Variants in CNTN3 observed in about 807,000 individuals in gnomAD.
CNTN3 encodes contactin 3.
In CNTN3, 60 loss-of-function variants were observed where a neutral mutation model predicts 119.1. The ratio of observed to expected loss-of-function variants is 0.50; its 90% confidence interval spans 0.41 to 0.62. The LOEUF (loss-of-function observed/expected upper bound fraction) is 0.62, where lower values mean the gene tolerates loss of function less well. Ranked by LOEUF, CNTN3 falls within the 20% of genes least tolerant of loss-of-function variation. The probability of loss-of-function intolerance (pLI) is 0.00; values close to 1 mark genes in which losing one functional copy is unlikely to be tolerated. For synonymous variants in CNTN3, 450 were observed against 438.7 expected, an observed-to-expected ratio of 1.03 and a Z score of -0.32; for missense variants, 1,101 against 1,242.4, an observed-to-expected ratio of 0.89 and a Z score of 1.71.
At chr3:74,286,721 T>G (rs1269950610) in intron 19 of CNTN3, among the ~76,000 whole-genome samples, 11 of 152,146 alleles carry the variant, frequency 7.2e-5, no homozygotes, top group African/African-American at 2.7e-4. Flanking sequence ...ACTCTGAGTT[T>G]AGAGTAGGAA....
At chr3:74,608,457 C>T (rs116314079) in intron 1 of CNTN3, among the ~76,000 whole-genome samples, 4,147 of 152,258 alleles carry the variant, frequency 0.027, 78 homozygotes, top group Middle Eastern at 0.1. Flanking sequence ...ATTTTGAGAA[C>T]TTCCCATTAC....
intron 1 of CNTN3, among the ~76,000 whole-genome samples, chr3:74,601,036 A>T (rs1247513632): frequency 6.6e-6 from 1 of 150,386 alleles, no homozygotes; most frequent in Admixed American, 6.6e-5. Flanking sequence ...AAACATATGT[A>T]TATCATATAT....
intron 4 of CNTN3, among the ~76,000 whole-genome samples, chr3:74,454,468 T>A (rs1473062035): frequency 6.6e-6 from 1 of 152,056 alleles, no homozygotes; most frequent in East Asian, 1.9e-4. Context: ...TTTATCCAAT[T>A]TGCCAGTCTG....
intron 11 of CNTN3, among the ~76,000 whole-genome samples, chr3:74,357,884 G>A (rs1411421812): frequency 1.3e-5 from 2 of 151,996 alleles, no homozygotes; most frequent in Admixed American, 1.3e-4. Flanking sequence ...CTTCAAATAA[G>A]ATTGAATCTG....
chr3:74,295,063 C>A, intron 19 of CNTN3, 58 bp downstream of exon 19: 1 of 1,198,930 alleles, frequency 8.3e-7, no homozygotes, highest in South Asian at 1.4e-5. Context: ...GTTTTAAATT[C>A]AAGGAGACAA....
chr3:74,407,617 T>C (rs1701357084), intron 5 of CNTN3, among the ~76,000 whole-genome samples: 1 of 151,890 alleles, frequency 6.6e-6, no homozygotes, highest in Non-Finnish European at 1.5e-5. Context: ...GCAAAAGACC[T>C]CGAAACTTGC....
chr3:74,323,521 A>G (rs1361113733), intron 13 of CNTN3, among the ~76,000 whole-genome samples: 8 of 152,174 alleles, frequency 5.3e-5, no homozygotes, highest in Non-Finnish European at 4.4e-5. Context: ...AAAACTAACT[A>G]TTGCAATGAA....
chr3:74,470,490 A>G (rs575977928), intron 4 of CNTN3, among the ~76,000 whole-genome samples: 2 of 152,154 alleles, frequency 1.3e-5, no homozygotes, highest in East Asian at 3.9e-4. Context: ...TGGGAAAGAG[A>G]TAGAAAGTCA....
intron 4 of CNTN3, among the ~76,000 whole-genome samples, chr3:74,450,566 G>T (rs149524866): frequency 6.6e-6 from 1 of 150,668 alleles, no homozygotes; most frequent in African/African-American, 2.4e-5. Context: ...CAATGTGCAG[G>T]TTAGTTACAT....
intron 5 of CNTN3, among the ~76,000 whole-genome samples, chr3:74,394,439 A>G (rs560659341): frequency 6.6e-6 from 1 of 152,188 alleles, no homozygotes; most frequent in Non-Finnish European, 1.5e-5. Flanking sequence ...AAATGGCAAA[A>G]GATCTATCAT....
At chr3:74,604,729 G>C (rs1275681146) in intron 1 of CNTN3, among the ~76,000 whole-genome samples, 1 of 152,084 alleles carries the variant, frequency 6.6e-6, no homozygotes, top group East Asian at 1.9e-4. Flanking sequence ...AACCATTATA[G>C]AAATCAGTAT....
At chr3:74,411,262 T>C (rs780365945) in intron 5 of CNTN3, among the ~76,000 whole-genome samples, 4 of 152,044 alleles carry the variant, frequency 2.6e-5, no homozygotes, top group Non-Finnish European at 5.9e-5. Context: ...AAAATTAGCG[T>C]TTGTACACAA....
chr3:74,474,235 CGAGA>C (rs1426459623), intron 4 of CNTN3, among the ~76,000 whole-genome samples: 2 of 152,004 alleles, frequency 1.3e-5, no homozygotes, highest in African/African-American at 4.8e-5. Context: ...ATGTGGAATA[CGAGA>C]GAGACAGAGC....
At chr3:74,266,292 C>G (rs1701658588) in intron 22 of CNTN3, among the ~76,000 whole-genome samples, 189 bp downstream of exon 22, 2 of 152,112 alleles carry the variant, frequency 1.3e-5, no homozygotes, top group South Asian at 4.1e-4. Flanking sequence ...CACCCTCATA[C>G]TTTTCTCCCT....
At chr3:74,505,838 C>A (rs1475023667) in intron 2 of CNTN3, among the ~76,000 whole-genome samples, 1 of 152,088 alleles carries the variant, frequency 6.6e-6, no homozygotes, top group Non-Finnish European at 1.5e-5. Flanking sequence ...GTATAGCATG[C>A]AGCTGGAGTA....
chr3:74,309,036 C>G (rs1430613506), intron 13 of CNTN3, among the ~76,000 whole-genome samples: 1 of 152,008 alleles, frequency 6.6e-6, no homozygotes, highest in African/African-American at 2.4e-5. Context: ...TAAAGATTAG[C>G]ACGTATTAGA....
intron 1 of CNTN3, among the ~76,000 whole-genome samples, chr3:74,562,834 C>A (rs1237493884): frequency 6.6e-6 from 1 of 151,894 alleles, no homozygotes; most frequent in African/African-American, 2.4e-5. Context: ...AAAAAAAATA[C>A]TGTATTTGAC....
At chr3:74,360,698 G>A (rs1379858469) in intron 11 of CNTN3, among the ~76,000 whole-genome samples, 1 of 151,998 alleles carries the variant, frequency 6.6e-6, no homozygotes. Flanking sequence ...GTTGTTGGTG[G>A]AATTCAGCCT....
intron 1 of CNTN3, among the ~76,000 whole-genome samples, chr3:74,557,921 T>C (rs1358790776): frequency 6.6e-6 from 1 of 152,084 alleles, no homozygotes; most frequent in Non-Finnish European, 1.5e-5. Flanking sequence ...GTTTCCAAAC[T>C]CTATTAAACA....
Sources: gnomAD v4.1 joint callset for allele counts (sites outside exome capture counted in the v4.1 genomes callset) on GRCh38, gnomAD v4.1.1 for gene constraint, MANE v1.5 for transcripts, NCBI Gene and HGNC (gene_info 2026-07-23, HGNC 2026-07-21) for gene names.